IGSF21: variants seen among roughly 807,000 people sequenced by gnomAD.
IGSF21 encodes immunoglobin superfamily member 21, also known as immunoglobulin superfamily member 21.
A neutral mutation model predicts 46.8 loss-of-function variants in IGSF21; 28 were observed. That is an observed-to-expected ratio of 0.60 (90% confidence interval 0.44 to 0.82). The LOEUF (loss-of-function observed/expected upper bound fraction) is 0.82. Among genes scored for constraint, IGSF21 ranks in the 40% least tolerant of loss-of-function variants. IGSF21 has a pLI of 0.00. For missense variants in IGSF21, 624 were observed against 665.5 expected (o/e 0.94, Z 0.69); for synonymous variants, 284 against 273.6 (o/e 1.04, Z -0.38).
At chr1:18,140,179 C>T (rs1206292860) in intron 1 of IGSF21, among the ~76,000 whole-genome samples, 1 of 152,182 alleles carries the variant, frequency 6.6e-6, no homozygotes, top group Non-Finnish European at 1.5e-5. Context: ...AACTTGTAGA[C>T]TCAAGCGATT....
intron 1 of IGSF21, among the ~76,000 whole-genome samples, chr1:18,144,381 T>C (rs1220378224): frequency 6.6e-6 from 1 of 152,044 alleles, no homozygotes; most frequent in Admixed American, 6.5e-5. Flanking sequence ...GTTCCCCAGG[T>C]CCCACCCAGA....
At chr1:18,134,201 C>T (rs1294281299) in intron 1 of IGSF21, among the ~76,000 whole-genome samples, 2 of 152,128 alleles carry the variant, frequency 1.3e-5, no homozygotes, top group Admixed American at 6.5e-5. Flanking sequence ...CTGTGGCCCC[C>T]CTTAACCCTC....
chr1:18,376,383 C>G lies in IGSF21; in HGVS notation c.1089C>G (p.Val363=). The change falls in exon 7 of 10, where the codon GTC becomes GTG. Residue 363 remains valine (V), a synonymous_variant. Coordinates refer to ENST00000251296, the MANE Select transcript of IGSF21 (RefSeq NM_032880.5). ...TAGGGGACACAGTGAGGATTCTGGT[C>G]CATGGGTTTCAGGTCAGCCTCTCTC... The part of the protein sequence containing the change: ...ARVGDTVRIL[V]HGFQNEVFPE... 6.2e-7 allele frequency: 1 copy of G among 1,613,370 alleles called. No individual in the cohort carries two copies. Among genetic ancestry groups the G allele is most frequent in the Non-Finnish European group, 8.5e-7 (1 of 1,179,404 alleles).
intron 1 of IGSF21, among the ~76,000 whole-genome samples, chr1:18,159,107 C>T (rs2086593715): frequency 1.3e-5 from 2 of 152,224 alleles, no homozygotes; most frequent in Admixed American, 1.3e-4. Context: ...CGTGCTGTCA[C>T]TGTACCCATT....
chr1:18,207,399 A>G (rs933401228), intron 1 of IGSF21, among the ~76,000 whole-genome samples: 4 of 152,154 alleles, frequency 2.6e-5, no homozygotes, highest in Non-Finnish European at 5.9e-5. Context: ...AGGATGCAGA[A>G]CCTTAGGGAA....
intron 1 of IGSF21, among the ~76,000 whole-genome samples, chr1:18,149,355 T>G (rs551456182): frequency 6.6e-6 from 1 of 152,248 alleles, no homozygotes; most frequent in African/African-American, 2.4e-5. Context: ...AAGTGAACCA[T>G]GCACAGCGGG....
At chr1:18,182,560 CAG>C (rs1480802254) in intron 1 of IGSF21, among the ~76,000 whole-genome samples, 2 of 152,184 alleles carry the variant, frequency 1.3e-5, no homozygotes, top group Non-Finnish European at 2.9e-5. Flanking sequence ...GCAGCTGTCC[CAG>C]CACTGGTTCT....
In IGSF21 at chr1:18,376,845, A is replaced by G. The variant is rs757054442; in HGVS notation, c.1147A>G (p.Ser383Gly). 10 of 1,608,034 alleles carry G rather than the reference A, an allele frequency of 6.2e-6. No individual in the cohort carries two copies. Among genetic ancestry groups the G allele is most frequent in the Non-Finnish European group, 7.7e-6 (9 of 1,175,318 alleles). The change falls in exon 8 of 10, where the codon AGC becomes GGC. Residue 383 changes from serine (S) to glycine (G), a missense_variant. By Grantham distance (56) the Ser-to-Gly change is moderately conservative (BLOSUM62 0). Coordinates refer to ENST00000251296, the MANE Select transcript of IGSF21 (RefSeq NM_032880.5). ...EPMFTWTRVG[S>G]RLLDGSAEFD... ...CATGTTCACGTGGACGCGGGTTGGGAGCCGCCTCCTGGACGGCAGCGCTGA... is the reference window on the plus strand; with the variant it reads ...CATGTTCACGTGGACGCGGGTTGGGGGCCGCCTCCTGGACGGCAGCGCTGA...
At chr1:18,146,240 A>C (rs1269370740) in intron 1 of IGSF21, among the ~76,000 whole-genome samples, 1 of 152,150 alleles carries the variant, frequency 6.6e-6, no homozygotes, top group Admixed American at 6.5e-5. Flanking sequence ...ATCTCTTGCT[A>C]TATTTGTGCC....
chr1:18,367,121 T>G (rs1008054254), intron 6 of IGSF21, among the ~76,000 whole-genome samples: 3 of 152,156 alleles, frequency 2.0e-5, no homozygotes, highest in African/African-American at 7.2e-5. Flanking sequence ...CCTGGAGCAG[T>G]CCACAGCCTC....
intron 3 of IGSF21, among the ~76,000 whole-genome samples, chr1:18,328,897 T>C (rs1189523739): frequency 2.6e-5 from 4 of 151,932 alleles, no homozygotes; most frequent in Non-Finnish European, 2.9e-5. Context: ...GTGTGGGGCG[T>C]GGAGAATGTG....
chr1:18,238,460 G>A (rs150674550), intron 2 of IGSF21, among the ~76,000 whole-genome samples: 196 of 152,316 alleles, frequency 1.3e-3, no homozygotes, highest in Non-Finnish European at 2.0e-3. Context: ...GGGAAGACTG[G>A]CTTTGGCCAC....
At chr1:18,211,701 A>T (rs1328928584) in intron 1 of IGSF21, among the ~76,000 whole-genome samples, 1 of 152,164 alleles carries the variant, frequency 6.6e-6, no homozygotes, top group Non-Finnish European at 1.5e-5. Flanking sequence ...ACTTATTAAG[A>T]CCAGTTTTAT....
At chr1:18,181,648 T>C (rs888303296) in intron 1 of IGSF21, among the ~76,000 whole-genome samples, 2 of 152,160 alleles carry the variant, frequency 1.3e-5, no homozygotes, top group Non-Finnish European at 2.9e-5. Flanking sequence ...AGCTCTGTCT[T>C]TTTTGAATTT....
intron 1 of IGSF21, among the ~76,000 whole-genome samples, chr1:18,205,966 A>G (rs1442183587): frequency 6.6e-6 from 1 of 152,260 alleles, no homozygotes. Context: ...TAAAATGTCA[A>G]CAATTCCTGG....
At chr1:18,366,938 A>G (rs2086171156) in intron 6 of IGSF21, among the ~76,000 whole-genome samples, 1 of 152,104 alleles carries the variant, frequency 6.6e-6, no homozygotes, top group Admixed American at 6.5e-5. Context: ...TACAAGACTC[A>G]TCTCCAGTTG....
Position 18,168,184 on chromosome 1 carries a change from C to T in IGSF21, c.71-59714C>T, listed in dbSNP as rs76959886. Among the ~76,000 whole-genome samples the T allele has an allele frequency of 5.4e-3, 826 of 152,230 alleles. 13 individuals are homozygous for T. Among genetic ancestry groups the T allele is most frequent in the African/African-American group, 0.018 (768 of 41,550 alleles). ...GGGTCTCTGTTGCTGCCAGAGCCCCCTCCTCGTCACTCTGCTCACCAAGGA... is the reference window on the plus strand; with the variant it reads ...GGGTCTCTGTTGCTGCCAGAGCCCCTTCCTCGTCACTCTGCTCACCAAGGA... On this transcript the variant is annotated intron_variant, in intron 1 of 9. Coordinates refer to ENST00000251296, the MANE Select transcript of IGSF21 (RefSeq NM_032880.5).
At chr1:18,199,747 C>T (rs2087049538) in intron 1 of IGSF21, among the ~76,000 whole-genome samples, 1 of 152,168 alleles carries the variant, frequency 6.6e-6, no homozygotes, top group Non-Finnish European at 1.5e-5. Context: ...TTAATCGCTT[C>T]CATTGTCTGC....
chr1:18,286,569 T>C (rs1235438498), intron 2 of IGSF21, among the ~76,000 whole-genome samples: 1 of 152,212 alleles, frequency 6.6e-6, no homozygotes, highest in African/African-American at 2.4e-5. Flanking sequence ...GCTGGGAGCT[T>C]TAAGAAAGAG....
Sources: gnomAD v4.1 joint callset for allele counts (sites outside exome capture counted in the v4.1 genomes callset) on GRCh38, gnomAD v4.1.1 for gene constraint, MANE v1.5 for transcripts, NCBI Gene and HGNC (gene_info 2026-07-23, HGNC 2026-07-21) for gene names.